DCDC1: variants seen among roughly 807,000 people sequenced by gnomAD.
DCDC1 encodes the protein doublecortin domain containing 1.
In DCDC1, 200 loss-of-function variants were observed where a neutral mutation model predicts 178.3. The observed-to-expected ratio is 1.12, with a 90% CI of 1.00 to 1.26. The LOEUF (loss-of-function observed/expected upper bound fraction) is 1.26. Ranked by LOEUF, DCDC1 falls within the 50% of genes most tolerant of loss-of-function variation. The probability of loss-of-function intolerance (pLI) is 0.00; values close to 1 mark genes in which losing one functional copy is unlikely to be tolerated. For missense variants in DCDC1, 1,983 were observed against 1,749.2 expected (o/e 1.13, Z -2.38); for synonymous variants, 690 against 604.8 (o/e 1.14, Z -2.07).
chr11:31,058,495 G>A (rs1164194124), intron 20 of DCDC1, among the ~76,000 whole-genome samples: 2 of 152,046 alleles, frequency 1.3e-5, no homozygotes, highest in Non-Finnish European at 2.9e-5. Context: ...ATAAAGCAGG[G>A]AAAGAGAATG....
At chr11:31,286,186 A>G (rs1295495356) in intron 7 of DCDC1, among the ~76,000 whole-genome samples, 2 of 116,636 alleles carry the variant, frequency 1.7e-5, no homozygotes, top group Non-Finnish European at 3.5e-5. Flanking sequence ...TCTTAACTCA[A>G]TAGGCTTTAA....
intron 20 of DCDC1, among the ~76,000 whole-genome samples, chr11:30,974,426 C>T (rs552865684): frequency 7.3e-5 from 11 of 151,388 alleles, no homozygotes; most frequent in Non-Finnish European, 1.5e-4. Context: ...TAAGAAGGAT[C>T]GACAAAAAGT....
In DCDC1 at chr11:31,080,187, T is replaced by C. The variant is rs571845372; in HGVS notation, c.2238-2262A>G. 3.3e-5 allele frequency among the ~76,000 whole-genome samples: 5 copies of C among 152,300 alleles called. No homozygotes were observed. In the East Asian group the frequency reaches 9.7e-4, roughly 29 times the overall value. ...GGGTCCAGAACTAAAATGATGGTTATGATAATAATGATTATCCAAGAAAAA... is the reference window on the plus strand; with the variant it reads ...GGGTCCAGAACTAAAATGATGGTTACGATAATAATGATTATCCAAGAAAAA... On this transcript the variant is annotated intron_variant, in intron 17 of 38. Transcript: ENST00000684477.
At chr11:31,324,883 A>T (rs1949565149) in intron 3 of DCDC1, among the ~76,000 whole-genome samples, 1 of 152,168 alleles carries the variant, frequency 6.6e-6, no homozygotes, top group Non-Finnish European at 1.5e-5. Flanking sequence ...GTGAAAAAGT[A>T]ACCTAGATAA....
intron 21 of DCDC1, among the ~76,000 whole-genome samples, chr11:30,936,341 T>C (rs1473471357): frequency 6.6e-6 from 1 of 152,172 alleles, no homozygotes; most frequent in Non-Finnish European, 1.5e-5. Context: ...TGGGAGACAT[T>C]TGGTTCAAAG....
chr11:31,109,333 G>C (rs576016426), intron 12 of DCDC1, among the ~76,000 whole-genome samples: 1 of 151,836 alleles, frequency 6.6e-6, no homozygotes, highest in African/African-American at 2.4e-5. Context: ...TGCTCAGGCT[G>C]GTAAAATATT....
chr11:31,160,068 T>G (rs893389313), intron 9 of DCDC1, among the ~76,000 whole-genome samples: 8 of 152,200 alleles, frequency 5.3e-5, no homozygotes, highest in African/African-American at 1.9e-4. Context: ...ACATAAAAAT[T>G]TATTAATAGG....
chr11:31,255,373 AAATTGTTTTCC>A (rs537967478), intron 8 of DCDC1, among the ~76,000 whole-genome samples: 28 of 152,258 alleles, frequency 1.8e-4, no homozygotes, highest in Non-Finnish European at 3.5e-4. Context: ...AAGACTCATC[AAATTGTTTTCC>A]AAAGTGGCTG....
intron 20 of DCDC1, among the ~76,000 whole-genome samples, chr11:30,989,865 G>A (rs956802561): frequency 6.6e-6 from 1 of 152,086 alleles, no homozygotes. Flanking sequence ...AAACCTCTCA[G>A]GCTACCAAAA....
intron 38 of DCDC1, among the ~76,000 whole-genome samples, chr11:30,870,929 G>T (rs1418878384): frequency 1.3e-5 from 2 of 152,122 alleles, no homozygotes; most frequent in African/African-American, 4.8e-5. Flanking sequence ...CCAAAACAAT[G>T]GCAGAAATAC....
intron 7 of DCDC1, among the ~76,000 whole-genome samples, chr11:31,267,377 A>T (rs1297138070): frequency 6.6e-6 from 1 of 152,096 alleles, no homozygotes; most frequent in East Asian, 1.9e-4. Flanking sequence ...TTTTTAGTAG[A>T]GACGGGGTTT....
At chr11:30,907,748 A>G (rs560159627) in intron 29 of DCDC1, among the ~76,000 whole-genome samples, 18 of 152,292 alleles carry the variant, frequency 1.2e-4, no homozygotes, top group African/African-American at 4.1e-4. Flanking sequence ...CTGTAGCCAC[A>G]TTAGTGACCT....
chr11:31,049,721 C>G (rs1955109998), intron 20 of DCDC1, among the ~76,000 whole-genome samples: 1 of 152,154 alleles, frequency 6.6e-6, no homozygotes. Flanking sequence ...CCCTCCTCTC[C>G]CAAACACACA....
At chr11:31,046,004 TCATGTGTGTGTGTTTG>T (rs1362014758) in intron 20 of DCDC1, among the ~76,000 whole-genome samples, 1 of 152,126 alleles carries the variant, frequency 6.6e-6, no homozygotes, top group Non-Finnish European at 1.5e-5. Context: ...ATGCATGCAC[TCATGTGTGTGTGTTTG>T]CATGTGTGTG....
intron 1 of DCDC1, among the ~76,000 whole-genome samples, chr11:31,349,821 C>T (rs1950985240): frequency 6.6e-6 from 1 of 152,056 alleles, no homozygotes; most frequent in South Asian, 2.1e-4. Context: ...GACAACATAG[C>T]AAGACCCAGC....
intron 20 of DCDC1, among the ~76,000 whole-genome samples, chr11:30,981,323 T>C (rs1006313097): frequency 6.6e-6 from 1 of 152,154 alleles, no homozygotes; most frequent in Non-Finnish European, 1.5e-5. Flanking sequence ...CCTGCACATG[T>C]ACCCCATGAA....
intron 1 of DCDC1, among the ~76,000 whole-genome samples, chr11:31,356,847 T>G (rs1223223734): frequency 2.6e-5 from 4 of 151,902 alleles, no homozygotes; most frequent in African/African-American, 9.7e-5. Flanking sequence ...AAGAAATGGA[T>G]AAATTCCTTG....
intron 1 of DCDC1, among the ~76,000 whole-genome samples, chr11:31,357,080 C>G (rs1951419489): frequency 6.6e-6 from 1 of 152,060 alleles, no homozygotes; most frequent in African/African-American, 2.4e-5. Flanking sequence ...CTCCCTAACT[C>G]ATTTTATGAG....
chr11:31,054,119 G>A (rs183599538), intron 20 of DCDC1, among the ~76,000 whole-genome samples: 39 of 151,766 alleles, frequency 2.6e-4, no homozygotes, highest in Non-Finnish European at 4.7e-4. Context: ...AAAGAATTCG[G>A]CAAAGTTTCC....
Sources: allele counts gnomAD v4.1 joint callset (sites outside exome capture counted in the v4.1 genomes callset), GRCh38; gene constraint gnomAD v4.1.1; transcripts MANE v1.5; gene names NCBI Gene and HGNC (gene_info 2026-07-23, HGNC 2026-07-21).